PALD1: variants seen among roughly 807,000 people sequenced by gnomAD.
The protein encoded by PALD1 is phosphatase domain containing paladin 1.
Under a neutral mutation model 96.0 loss-of-function variants are expected in PALD1, and 57 were observed. The ratio of observed to expected loss-of-function variants is 0.59; its 90% CI spans 0.48 to 0.74. The LOEUF (loss-of-function observed/expected upper bound fraction) is 0.74. PALD1 is among the 30% of genes least tolerant of loss of function. The pLI is 0.00. For synonymous variants in PALD1, 464 were observed against 473.6 expected (o/e 0.98, Z 0.26); for missense variants, 1,063 against 1,143.7 (o/e 0.93, Z 1.02).
chr10:70,559,843 A>G (rs763149458), intron 18 of PALD1, among the ~76,000 whole-genome samples: 3 of 152,120 alleles, frequency 2.0e-5, no homozygotes, highest in Non-Finnish European at 2.9e-5. Context: ...AGCTGCTGGC[A>G]TGTCCAGTCT....
At chr10:70,483,138 G>A (rs60193890) in intron 1 of PALD1, among the ~76,000 whole-genome samples, 10,645 of 152,154 alleles carry the variant, frequency 0.07, 420 homozygotes, top group South Asian at 0.18. Flanking sequence ...GGAGCCTGAG[G>A]GAGGGAATGG....
At chr10:70,527,233 C>G (rs1846887513) in intron 2 of PALD1, among the ~76,000 whole-genome samples, 1 of 152,176 alleles carries the variant, frequency 6.6e-6, no homozygotes, top group Non-Finnish European at 1.5e-5. Context: ...TCAACATAAG[C>G]AGAGATGACA....
intron 1 of PALD1, among the ~76,000 whole-genome samples, chr10:70,524,884 C>T (rs984410977): frequency 1.3e-5 from 2 of 152,252 alleles, no homozygotes; most frequent in Non-Finnish European, 2.9e-5. Context: ...TACACATCCT[C>T]AAGTATTTCC....
Position 70,534,513 on chromosome 10 carries a change from A to C in PALD1, c.1111A>C (p.Met371Leu), listed in dbSNP as rs774840761. 12 of 1,610,966 alleles carry C rather than the reference A, an allele frequency of 7.4e-6. No homozygotes were observed. The highest frequency in any genetic ancestry group is 8.5e-7 in the Non-Finnish European group (1 of 1,178,154). ...CCGCATGGTGCCCCAGGGAAGGAGG[A>C]TGGTGGAAGAGGTGAGTGAGGGACA... ...FLRMVPQGRR[M>L]VEEVDRAITA... The change falls in exon 9 of 20, where the codon ATG (methionine) becomes CTG (leucine). Residue 371 changes from methionine (M) to leucine (L), a missense_variant. By Grantham distance (15) the Met-to-Leu change is conservative. Coordinates refer to ENST00000263563, the MANE Select transcript of PALD1 (RefSeq NM_014431.3).
At chr10:70,496,646 A>G (rs1846199015) in intron 1 of PALD1, among the ~76,000 whole-genome samples, 1 of 152,118 alleles carries the variant, frequency 6.6e-6, no homozygotes, top group Non-Finnish European at 1.5e-5. Flanking sequence ...CAATTTGTTA[A>G]TTCTTTTTCT....
chr10:70,536,956 G>C lies in PALD1; in HGVS notation c.1228-855G>C, dbSNP rs539623842. Among the ~76,000 whole-genome samples the C allele has an allele frequency of 2.9e-4, 44 of 152,256 alleles. No homozygotes were observed. The South Asian group carries it at 6.6e-3, about 23-fold the overall frequency. On this transcript the variant is annotated intron_variant, in intron 10 of 19. Transcript: ENST00000263563. ...GGGGTCAGGAGACTTGGGGAATCTG[G>C]CTCTGTTTGCTGTCAGCTGTGTGAC...
In PALD1 at chr10:70,534,007, C is replaced by A; in HGVS notation, c.956C>A (p.Thr319Asn). 1 of 1,613,316 alleles carries A rather than the reference C, an allele frequency of 6.2e-7. No homozygotes were observed. Among genetic ancestry groups the A allele is most frequent in the Non-Finnish European group, 8.5e-7 (1 of 1,179,664 alleles). ...VFSCQMGVGR[T>N]NLGMVLGTLI... ...AGCTGCCAGATGGGCGTGGGCAGGA[C>A]CAACCTGGGCATGGTCCTGGGCACC... The change falls in exon 8 of 20, where the codon ACC (threonine) becomes AAC (asparagine). Residue 319 changes from threonine to asparagine, a missense_variant. Coordinates refer to ENST00000263563, the MANE Select transcript of PALD1 (RefSeq NM_014431.3).
intron 7 of PALD1, among the ~76,000 whole-genome samples, chr10:70,533,575 A>G (rs1425920284): frequency 6.6e-6 from 1 of 152,112 alleles, no homozygotes; most frequent in African/African-American, 2.4e-5. Flanking sequence ...CTCTTGCCCT[A>G]TAGACTGTTC....
intron 1 of PALD1, among the ~76,000 whole-genome samples, chr10:70,522,785 C>T (rs1846765999): frequency 6.6e-6 from 1 of 152,190 alleles, no homozygotes; most frequent in Admixed American, 6.5e-5. Flanking sequence ...GACCGCCGTG[C>T]TGTGACCACT....
intron 1 of PALD1, among the ~76,000 whole-genome samples, chr10:70,491,144 A>G (rs1846090915): frequency 6.6e-6 from 1 of 152,070 alleles, no homozygotes; most frequent in Non-Finnish European, 1.5e-5. Context: ...ACGGGGTTTC[A>G]CCATGTTAGC....
the PALD1 span, among the ~76,000 whole-genome samples, chr10:70,461,956 C>T: frequency 6.6e-6 from 1 of 152,062 alleles, no homozygotes; most frequent in African/African-American, 2.4e-5. Flanking sequence ...TCATGCCCAG[C>T]GTATTTTTGT....
the PALD1 span, among the ~76,000 whole-genome samples, chr10:70,466,867 G>A: frequency 2.0e-5 from 3 of 152,144 alleles, no homozygotes; most frequent in South Asian, 2.1e-4. Context: ...CCAGGGCTCC[G>A]AGAGTCCCCT....
intron 12 of PALD1, 84 bp from the exon 13 acceptor site, chr10:70,538,808 C>G (rs185228094): frequency 3.5e-6 from 4 of 1,134,550 alleles, no homozygotes; most frequent in South Asian, 2.5e-5. Flanking sequence ...CACCCCACCC[C>G]CCGTCTGCCT....
Position 70,558,028 on chromosome 10 carries a change from CTT to C in PALD1, c.2263-6335_2263-6334del, listed in dbSNP as rs370775583. ...GGTTCACTGACTGTAACCTCTGCCT[CTT>C]GGGCTCAAGTCATCCTCCCACCTCA... On this transcript the variant is annotated intron_variant, in intron 18 of 19. Coordinates refer to ENST00000263563, the MANE Select transcript of PALD1 (RefSeq NM_014431.3). 3.9e-4 allele frequency among the ~76,000 whole-genome samples: 58 copies of C among 147,428 alleles called. No homozygotes were observed. In the East Asian group the frequency reaches 7.6e-3, roughly 19 times the overall value.
At chr10:70,459,524 T>C in the PALD1 span, among the ~76,000 whole-genome samples, 1 of 152,024 alleles carries the variant, frequency 6.6e-6, no homozygotes, top group Non-Finnish European at 1.5e-5. Context: ...GGGGGGTTGC[T>C]GGGGCTGGGC....
chr10:70,555,220 G>A (rs1484497833), intron 18 of PALD1, among the ~76,000 whole-genome samples: 2 of 150,622 alleles, frequency 1.3e-5, no homozygotes, highest in African/African-American at 2.4e-5. Context: ...AGTGATCCAC[G>A]AGCCTCGGCC....
chr10:70,548,583 A>G (rs1166681582), intron 18 of PALD1, among the ~76,000 whole-genome samples: 1 of 151,808 alleles, frequency 6.6e-6, no homozygotes, highest in Admixed American at 6.6e-5. Flanking sequence ...CAGTGGTGGG[A>G]GCCGGTGGGT....
At chr10:70,537,747 G>A (rs1847143712) in intron 10 of PALD1, 64 bp from the exon 11 acceptor site, 1 of 1,106,330 alleles carries the variant, frequency 9.0e-7, no homozygotes, top group Non-Finnish European at 1.4e-6. Flanking sequence ...TGCCCTTGCA[G>A]GGATGGGGAC....
the PALD1 span, among the ~76,000 whole-genome samples, chr10:70,458,861 G>C: frequency 1.3e-5 from 2 of 152,238 alleles, no homozygotes; most frequent in African/African-American, 2.4e-5. Context: ...TGCCTGCTTG[G>C]TAAATTGTGG....
Sources: allele counts gnomAD v4.1 joint callset (sites outside exome capture counted in the v4.1 genomes callset), GRCh38; gene constraint gnomAD v4.1.1; transcripts MANE v1.5; gene names NCBI Gene and HGNC (gene_info 2026-07-23, HGNC 2026-07-21).